The following SLC17A3 variants were observed in gnomAD, a reference collection of about 807,000 sequenced individuals.
SLC17A3 encodes the protein solute carrier family 17 member 3.
In SLC17A3, 61 loss-of-function variants were observed where a neutral mutation model predicts 60.3. The ratio of observed to expected loss-of-function variants is 1.01; its 90% CI spans 0.82 to 1.25. SLC17A3 has a LOEUF of 1.25. Among genes scored for constraint, SLC17A3 ranks in the 50% most tolerant of loss-of-function variants. SLC17A3 has a pLI of 0.00. For missense variants in SLC17A3, 624 were observed against 594.9 expected, an observed-to-expected ratio of 1.05 and a Z score of -0.51; for synonymous variants, 192 against 208.9, an observed-to-expected ratio of 0.92 and a Z score of 0.70.
intron 1 of SLC17A3, among the ~76,000 whole-genome samples, chr6:25,870,326 C>A (rs892712904): frequency 6.6e-6 from 1 of 151,942 alleles, no homozygotes; most frequent in African/African-American, 2.4e-5. Context: ...GCTGGGTCAA[C>A]CTGCATTGTT....
rs778376296 is a variant in SLC17A3, at chr6:25,862,018, A to G, written c.315T>C (p.Tyr105=). 1 of 1,605,152 alleles carries G rather than the reference A, an allele frequency of 6.2e-7. No individual in the cohort carries two copies. The highest frequency in any genetic ancestry group is 8.5e-7 in the Non-Finnish European group (1 of 1,175,514). ...PKSLPAKAPV[Y]DWSPQIQGII... ...TGCCTTGGATTTGAGGAGACCAGTCATACACAGGAGCCTTAGAGAAACAGA... is the reference window on the plus strand; with the variant it reads ...TGCCTTGGATTTGAGGAGACCAGTCGTACACAGGAGCCTTAGAGAAACAGA... Residue 105 remains tyrosine, a synonymous_variant, in exon 4 of 13, where the codon TAT becomes TAC. Transcript: ENST00000397060.
Position 25,854,115 on chromosome 6 carries a change from A to G in SLC17A3, c.712+1029T>C, listed in dbSNP as rs189540943. On this transcript the variant is annotated intron_variant, in intron 6 of 12. Transcript: ENST00000397060. ...TAAATTTGTTCCATCTTATTTTTGT[A>G]GGCCATAAATTGTCTATCCTGGTGA... Among the ~76,000 whole-genome samples the G allele has an allele frequency of 4.1e-4, 62 of 152,286 alleles. No homozygotes were observed. In the East Asian group the frequency reaches 7.3e-3, roughly 18 times the overall value.
chr6:25,851,892 A>G (rs1765283992), intron 6 of SLC17A3, among the ~76,000 whole-genome samples: 5 of 152,136 alleles, frequency 3.3e-5, no homozygotes, highest in Admixed American at 2.0e-4. Flanking sequence ...TTGCATTTCC[A>G]TAAAAATTTA....
intron 8 of SLC17A3, 109 bp from the exon 9 acceptor site, chr6:25,850,286 G>C (rs1241516543): frequency 7.2e-7 from 1 of 1,395,728 alleles, no homozygotes; most frequent in Non-Finnish European, 1.0e-6. Context: ...TACTTTCTTA[G>C]GAAAATCAGT....
chr6:25,847,031 C>T (rs1355210303), intron 11 of SLC17A3, among the ~76,000 whole-genome samples: 1 of 152,068 alleles, frequency 6.6e-6, no homozygotes, highest in Admixed American at 6.6e-5. Flanking sequence ...AGGTACTAAG[C>T]CTAGTCCCCA....
chr6:25,868,238 C>T (rs367626189), intron 2 of SLC17A3, 59 bp downstream of exon 2: 16 of 1,190,956 alleles, frequency 1.3e-5, no homozygotes, highest in East Asian at 1.2e-4. Context: ...TATAGTAATA[C>T]GTTGACAAAA....
chr6:25,859,888 C>T (rs1380118351), intron 5 of SLC17A3, among the ~76,000 whole-genome samples: 1 of 152,084 alleles, frequency 6.6e-6, no homozygotes, highest in African/African-American at 2.4e-5. Context: ...ACTTTTTACC[C>T]TGTGTTTTAA....
At chr6:25,866,004 T>A (rs67554133) in intron 2 of SLC17A3, among the ~76,000 whole-genome samples, 8,677 of 152,086 alleles carry the variant, frequency 0.057, 306 homozygotes, top group Non-Finnish European at 0.083. Flanking sequence ...TATTTCTTAA[T>A]TTGATGTGAC....
At chr6:25,872,030 T>C (rs1442706132) in intron 1 of SLC17A3, among the ~76,000 whole-genome samples, 1 of 152,044 alleles carries the variant, frequency 6.6e-6, no homozygotes, top group African/African-American at 2.4e-5. Context: ...AAAGAGCTCA[T>C]TATTAATGTT....
chr6:25,856,494 C>T (rs1179256057), intron 5 of SLC17A3, among the ~76,000 whole-genome samples: 1 of 152,200 alleles, frequency 6.6e-6, no homozygotes, highest in Non-Finnish European at 1.5e-5. Flanking sequence ...CCATCTTGGC[C>T]TCCCAAAGCA....
In SLC17A3 at chr6:25,869,896, A is replaced by G. The variant is rs1765613237; in HGVS notation, c.-33-1476T>C. ...ACTTTTCTCCTGGTTTATTTCACTCAGTATAATTATTCTAAAATCCATCCA... is the reference window on the plus strand; with the variant it reads ...ACTTTTCTCCTGGTTTATTTCACTCGGTATAATTATTCTAAAATCCATCCA... On this transcript the variant is annotated intron_variant, in intron 1 of 12. Transcript: ENST00000397060. Among the ~76,000 whole-genome samples, 4 of 152,112 alleles carry G rather than the reference A, an allele frequency of 2.6e-5. No individual in the cohort carries two copies. In the South Asian group the frequency reaches 8.3e-4, roughly 32 times the overall value.
intron 5 of SLC17A3, among the ~76,000 whole-genome samples, chr6:25,859,388 T>G (rs1004190190): frequency 5.3e-5 from 8 of 152,194 alleles, no homozygotes; most frequent in African/African-American, 1.9e-4. Context: ...GACTGAATCT[T>G]GAAATCAGCT....
chr6:25,864,454 G>T, intron 2 of SLC17A3, among the ~76,000 whole-genome samples: 1 of 152,030 alleles, frequency 6.6e-6, no homozygotes, highest in African/African-American at 2.4e-5. Context: ...TTGGATTAGG[G>T]TCATGGCAGT....
chr6:25,862,092 AG>A (rs2151524850), intron 3 of SLC17A3, 63 bp from the exon 4 acceptor site: 2 of 1,435,050 alleles, frequency 1.4e-6, no homozygotes, highest in Non-Finnish European at 1.9e-6. Flanking sequence ...TACCCTAGAA[AG>A]CTCCTTTAGA....
chr6:25,858,033 G>A (rs1191530292), intron 5 of SLC17A3, among the ~76,000 whole-genome samples: 1 of 151,916 alleles, frequency 6.6e-6, no homozygotes, highest in Non-Finnish European at 1.5e-5. Flanking sequence ...TTTTTTTGGA[G>A]GGGATGGAGT....
chr6:25,869,520 C>T (rs925716147), intron 1 of SLC17A3, among the ~76,000 whole-genome samples: 3 of 151,894 alleles, frequency 2.0e-5, no homozygotes, highest in African/African-American at 7.3e-5. Context: ...GACATAAGGA[C>T]ATACCCAAGG....
chr6:25,856,298 G>A (rs962576207), intron 5 of SLC17A3, among the ~76,000 whole-genome samples: 1 of 152,028 alleles, frequency 6.6e-6, no homozygotes. Flanking sequence ...TTACAATGGT[G>A]CAATCACAGT....
chr6:25,845,156 A>T lies in SLC17A3; in HGVS notation c.*145T>A, dbSNP rs1310913653. The T allele has an allele frequency of 2.0e-6, 1 of 493,414 alleles. No individual in the cohort carries two copies. The highest frequency in any genetic ancestry group is 3.7e-6 in the Non-Finnish European group (1 of 273,958). The allele number at this position is 493,414 out of a possible 1,614,324, so 30.6% of individuals were successfully genotyped here. ...TCATCTTACATTTCTCTCAAAAAAA[A>T]GTCTGAATAAAATAATGAACTGATC... On this transcript the variant is annotated 3_prime_UTR_variant, in exon 13 of 13. Transcript: ENST00000397060.
At position 25,845,111 on chromosome 6, in the gene SLC17A3, C is replaced by A. The variant is rs1765149806; in HGVS notation, c.*190G>T. ...AGATGACAACTGCATTCTTAGTTAT[C>A]ATTTTATTTGAATTTTTATTCATCT... On this transcript the variant is annotated 3_prime_UTR_variant, in exon 13 of 13. Coordinates refer to ENST00000397060, the MANE Select transcript of SLC17A3 (RefSeq NM_001098486.2). The A allele has an allele frequency of 2.5e-6, 1 of 398,044 alleles. No homozygotes were observed. Among genetic ancestry groups the A allele is most frequent in the Non-Finnish European group, 4.7e-6 (1 of 214,450 alleles). 24.7% of individuals were successfully genotyped at this position (398,044 alleles called of 1,614,324 possible).
Sources: gnomAD v4.1 joint callset for allele counts (sites outside exome capture counted in the v4.1 genomes callset) on GRCh38, gnomAD v4.1.1 for gene constraint, MANE v1.5 for transcripts, NCBI Gene and HGNC (gene_info 2026-07-23, HGNC 2026-07-21) for gene names.